TNFSF14: variants seen among roughly 807,000 people sequenced by gnomAD.
TNFSF14 encodes tumor necrosis factor ligand superfamily member 14.
TNFSF14 carries 15 observed loss-of-function variants against 22.7 expected under a neutral mutation model. The observed-to-expected ratio is 0.66, with a 90% CI of 0.44 to 1.02. TNFSF14 has a LOEUF of 1.02. Ranked by LOEUF, TNFSF14 falls within the 50% of genes least tolerant of loss-of-function variation. The probability of loss-of-function intolerance (pLI) is 0.00; values close to 1 mark genes in which losing one functional copy is unlikely to be tolerated. For missense variants in TNFSF14, 287 were observed against 326.2 expected, an observed-to-expected ratio of 0.88 and a Z score of 0.93; for synonymous variants, 133 against 139.6, an observed-to-expected ratio of 0.95 and a Z score of 0.33.
chr19:6,670,239 G>C (rs570620339), upstream of TNFSF14: 4 of 1,434,202 alleles, frequency 2.8e-6, no homozygotes, highest in African/African-American at 5.7e-5. Context: ...CTCTTCTTCC[G>C]GTACCCGCCG....
In TNFSF14 at chr19:6,663,931, C is replaced by T. The variant is rs1917327247; in HGVS notation, c.*995G>A. ...TGGTGTCCTATTAGGGATGTCTATG[C>T]TTGGCAGTGATGAAATCAGCCATGG... On this transcript the variant is annotated 3_prime_UTR_variant, in exon 4 of 4. Transcript: ENST00000675206. The T allele has an allele frequency of 6.6e-6, 1 of 152,200 alleles. No homozygotes were observed. The allele number at this position is 152,200 out of a possible 1,614,324, so 9.4% of individuals were successfully genotyped here.
rs1225750255 is a variant in TNFSF14 at position 6,661,352 on chromosome 19, C to T, written c.*3574G>A. The T allele has an allele frequency of 3.3e-5, 5 of 152,370 alleles. No homozygotes were observed. In the East Asian group the frequency reaches 9.6e-4, roughly 29 times the overall value. 9.4% of individuals were successfully genotyped at this position (152,370 alleles called of 1,614,324 possible). A position where few individuals can be genotyped will look rare whatever the true frequency, so the allele number is the denominator to read the frequency against. On this transcript the variant is annotated 3_prime_UTR_variant, in exon 4 of 4. Transcript: ENST00000675206. ...AGAAGGGGCTAGGTTTCTTTTTATA[C>T]CTTGGTTTAGAAGGGGAAGAGGGAG... is the stretch of plus-strand genomic sequence containing the variant.
At position 6,662,509 on chromosome 19, in the gene TNFSF14, C is replaced by G. The variant is rs1252697975; in HGVS notation, c.*2417G>C. 2.6e-5 allele frequency: 4 copies of G among 152,270 alleles called. No individual in the cohort carries two copies. Among genetic ancestry groups the G allele is most frequent in the African/African-American group, 9.7e-5 (4 of 41,440 alleles). 9.4% of individuals were successfully genotyped at this position (152,270 alleles called of 1,614,324 possible). A position where few individuals can be genotyped will look rare whatever the true frequency, so the allele number is the denominator to read the frequency against. On this transcript the variant is annotated 3_prime_UTR_variant, in exon 4 of 4. Transcript: ENST00000675206. Reference sequence around the variant, plus strand: ...ACCCAGGATCATCTGATTGCAAAATCTGTTTCCTTCATCTCTGTACTGTGC... The same window carrying G: ...ACCCAGGATCATCTGATTGCAAAATGTGTTTCCTTCATCTCTGTACTGTGC...
In TNFSF14 at chr19:6,670,131, A is replaced by G. The variant is rs1016909108; in HGVS notation, c.-62T>C. 1 of 1,592,352 alleles carries G rather than the reference A, an allele frequency of 6.3e-7. No homozygotes were observed. Among genetic ancestry groups the G allele is most frequent in the African/African-American group, 1.3e-5 (1 of 74,474 alleles). On this transcript the variant is annotated 5_prime_UTR_variant, in exon 1 of 4. Coordinates refer to ENST00000675206, the MANE Select transcript of TNFSF14 (RefSeq NM_001376887.1). The stretch of plus-strand genomic sequence containing the variant: ...TCCTTCAACCTCAGAGGAAACCGAA[A>G]TTGCTCAACACTCCTGGGCTGTGCA...
At position 6,661,879 on chromosome 19, in the gene TNFSF14, G is replaced by C. The variant is rs921730480; in HGVS notation, c.*3047C>G. ...TGAGAGATACCTATCTGGCATGTGAGAAAATGATATATAGCTACTGACGGG... is the reference window on the plus strand; with the variant it reads ...TGAGAGATACCTATCTGGCATGTGACAAAATGATATATAGCTACTGACGGG... On this transcript the variant is annotated 3_prime_UTR_variant, in exon 4 of 4. Transcript: ENST00000675206. 6.6e-6 allele frequency: 1 copy of C among 152,240 alleles called. No individual in the cohort carries two copies. The highest frequency in any genetic ancestry group is 2.4e-5 in the African/African-American group (1 of 41,462). The allele number at this position is 152,240 out of a possible 1,614,324, so 9.4% of individuals were successfully genotyped here. A position where few individuals can be genotyped will look rare whatever the true frequency, so the allele number is the denominator to read the frequency against.
At position 6,670,007 on chromosome 19, in the gene TNFSF14, G is replaced by A; in HGVS notation, c.63C>T (p.Phe21=). ...TCCGGTGGCTTCGTCCCAGCCTCGT[G>A]AATGGGATGTCGGTCTGTCCATCCA... The part of the protein sequence containing the change: ...FVVDGQTDIP[F]TRLGRSHRRQ... The change falls in exon 1 of 4, where the codon TTC becomes TTT. Residue 21 remains phenylalanine, a synonymous_variant. Coordinates refer to ENST00000675206, the MANE Select transcript of TNFSF14 (RefSeq NM_001376887.1). 6.2e-7 allele frequency: 1 copy of A among 1,614,150 alleles called. No individual in the cohort carries two copies. The highest frequency in any genetic ancestry group is 1.7e-5 in the Admixed American group (1 of 60,022).
upstream of TNFSF14, chr19:6,670,279 C>G: frequency 1.4e-6 from 2 of 1,420,694 alleles, no homozygotes; most frequent in Non-Finnish European, 1.8e-6. Flanking sequence ...CTCACTCTCA[C>G]TCATACAGAC....
In TNFSF14 at chr19:6,667,015, C is replaced by T. The variant is rs142018868; in HGVS notation, c.298+98G>A. 75 of 1,336,382 alleles carry T rather than the reference C, an allele frequency of 5.6e-5. 1 individual carries two copies. The Admixed American group carries it at 5.7e-4, about 10-fold the overall frequency. 82.8% of individuals were successfully genotyped at this position (1,336,382 alleles called of 1,614,324 possible). ...CTGAGCAACTCTGTGAGTAAATAAG[C>T]AATGAATGAATGAATACACTGATAT... On this transcript the variant is annotated intron_variant, in intron 3 of 3. Transcript: ENST00000675206.
rs1655318124 is a variant in TNFSF14, at chr19:6,664,489, T to C, written c.*437A>G. On this transcript the variant is annotated 3_prime_UTR_variant, in exon 4 of 4. Coordinates refer to ENST00000675206, the MANE Select transcript of TNFSF14 (RefSeq NM_001376887.1). This position sits in a 1 kb window ranked among gnomAD's most constrained non-coding sequence, Gnocchi z 4.7. The stretch of plus-strand genomic sequence containing the variant: ...CCACTGAGCTCTCCGCCTTTGAGTT[T>C]TGGGTTCCCTGGAGTGTCCCCCAAG... The C allele has an allele frequency of 1.3e-5, 2 of 155,994 alleles. No individual in the cohort carries two copies. Among genetic ancestry groups the C allele is most frequent in the South Asian group, 3.8e-4 (2 of 5,228 alleles). 9.7% of individuals were successfully genotyped at this position (155,994 alleles called of 1,614,324 possible).
Position 6,670,004 on chromosome 19 carries a change from C to T in TNFSF14, c.66G>A (p.Thr22=), listed in dbSNP as rs1320142036. The change falls in exon 1 of 4, where the codon ACG becomes ACA. Residue 22 remains threonine (T), a synonymous_variant. Transcript: ENST00000675206. The part of the protein sequence containing the change: ...VVDGQTDIPF[T]RLGRSHRRQS... ...GTCTCCGGTGGCTTCGTCCCAGCCT[C>T]GTGAATGGGATGTCGGTCTGTCCAT... 1.2e-5 allele frequency: 19 copies of T among 1,614,060 alleles called. No homozygotes were observed. The highest frequency in any genetic ancestry group is 8.3e-5 in the Admixed American group (5 of 60,002).
At position 6,669,794 on chromosome 19, in the gene TNFSF14, T is replaced by C. The variant is rs560440993; in HGVS notation, c.219+57A>G. The C allele has an allele frequency of 3.2e-6, 5 of 1,579,094 alleles. No homozygotes were observed. In the South Asian group the frequency reaches 4.5e-5, roughly 14 times the overall value. On this transcript the variant is annotated intron_variant, in intron 1 of 3. Coordinates refer to ENST00000675206, the MANE Select transcript of TNFSF14 (RefSeq NM_001376887.1). Reference sequence around the variant, plus strand: ...CACACAGACACACAGTGACCCACAATGACACAGGGGAGCCCCCCTCACCTC... The same window carrying C: ...CACACAGACACACAGTGACCCACAACGACACAGGGGAGCCCCCCTCACCTC...
chr19:6,666,396 CAAAAAAAA>C (rs5826941), intron 3 of TNFSF14, among the ~76,000 whole-genome samples: 52 of 128,126 alleles, frequency 4.1e-4, no homozygotes, highest in African/African-American at 1.5e-3. Context: ...GACCCTGTCT[CAAAAAAAA>C]AAAAAAAAAA....
intron 3 of TNFSF14, among the ~76,000 whole-genome samples, chr19:6,666,262 C>A (rs11882001): frequency 0.048 from 7,330 of 151,882 alleles, 231 homozygotes; most frequent in African/African-American, 0.086. Flanking sequence ...ATTAGCTGGG[C>A]ATGGTGGCAG....
chr19:6,667,248 C>A lies in TNFSF14; in HGVS notation c.257-94G>T, dbSNP rs1434000989. 4.1e-6 allele frequency: 6 copies of A among 1,447,286 alleles called. No homozygotes were observed. In the South Asian group the frequency reaches 7.2e-5, roughly 17 times the overall value. The allele number at this position is 1,447,286 out of a possible 1,614,324, so 89.7% of individuals were successfully genotyped here. On this transcript the variant is annotated intron_variant, in intron 2 of 3. Coordinates refer to ENST00000675206, the MANE Select transcript of TNFSF14 (RefSeq NM_001376887.1). ...ACCGTGTACACCTCCTGGAATCAAC[C>A]CCACCCCTTCCGGAGTGACCCAAAC...
chr19:6,669,617 A>G (rs1488742017), intron 1 of TNFSF14, among the ~76,000 whole-genome samples: 2 of 152,110 alleles, frequency 1.3e-5, no homozygotes, highest in East Asian at 1.9e-4. Context: ...TTCGTCCCCT[A>G]TGAAGAGACT....
chr19:6,665,784 C>CGTGT (rs35598085), intron 3 of TNFSF14, among the ~76,000 whole-genome samples: 2,737 of 140,654 alleles, frequency 0.019, 52 homozygotes, highest in African/African-American at 0.061. Flanking sequence ...TGCATGTGTG[C>CGTGT]GTGTGTGTGT....
At chr19:6,665,391 C>T in intron 3 of TNFSF14, 41 bp from the exon 4 acceptor site, 1 of 1,483,440 alleles carries the variant, frequency 6.7e-7, no homozygotes. Context: ...CCGGTCAGCA[C>T]ATGTCTTCCT....
At position 6,667,133 on chromosome 19, in the gene TNFSF14, T is replaced by A; in HGVS notation, c.278A>T (p.Asn93Ile). ...CTCACCTGTGAGATGCGCTGCTGGGTTGACCTCGTGAGACCTTCGCTCTGG... is the reference window on the plus strand; with the variant it reads ...CTCACCTGTGAGATGCGCTGCTGGGATGACCTCGTGAGACCTTCGCTCTGG... ...LIQERRSHEV[N>I]PAAHLTGANS... The change falls in exon 3 of 4, where the codon AAC (asparagine) becomes ATC (isoleucine). Residue 93 changes from asparagine (N) to isoleucine (I), a missense_variant. Physicochemically the swap from Asn to Ile is moderately radical, Grantham distance 149. Transcript: ENST00000675206. 1 of 1,600,532 alleles carries A rather than the reference T, an allele frequency of 6.2e-7. No homozygotes were observed.
At position 6,669,845 on chromosome 19, in the gene TNFSF14, A is replaced by T. The variant is rs1052632363; in HGVS notation, c.219+6T>A. Reference sequence around the variant, plus strand: ...CACCTGCTCTCAGCCCCCCGGTCCCACTCACAGGCAGGCGGGTGACCATCT... The same window carrying T: ...CACCTGCTCTCAGCCCCCCGGTCCCTCTCACAGGCAGGCGGGTGACCATCT... On this transcript the variant is annotated splice_donor_region_variant and intron_variant, in intron 1 of 3. Coordinates refer to ENST00000675206, the MANE Select transcript of TNFSF14 (RefSeq NM_001376887.1). 1 of 1,610,166 alleles carries T rather than the reference A, an allele frequency of 6.2e-7. No homozygotes were observed. The highest frequency in any genetic ancestry group is 8.5e-7 in the Non-Finnish European group (1 of 1,179,446).
Sources: gnomAD v4.1 joint callset for allele counts (sites outside exome capture counted in the v4.1 genomes callset) on GRCh38, gnomAD v4.1.1 for gene constraint, Gnocchi (gnomAD v3.1) non-coding constraint, MANE v1.5 for transcripts, NCBI Gene and HGNC (gene_info 2026-07-23, HGNC 2026-07-21) for gene names.